Variants in ATAD3B observed in about 807,000 individuals in gnomAD.
ATAD3B encodes ATPase family AAA domain-containing protein 3B.
ATAD3B carries 59 observed loss-of-function variants against 70.2 expected under a neutral mutation model. The ratio of observed to expected loss-of-function variants is 0.84; its 90% CI spans 0.68 to 1.04. The LOEUF (loss-of-function observed/expected upper bound fraction) is 1.04. ATAD3B is among the 50% of genes least tolerant of loss of function. ATAD3B has a pLI of 0.00. For synonymous variants in ATAD3B, 423 were observed against 388.6 expected, an observed-to-expected ratio of 1.09 and a Z score of -1.04; for missense variants, 961 against 913.4, an observed-to-expected ratio of 1.05 and a Z score of -0.67.
chr1:1,501,781 C>T (rs776711553), downstream of ATAD3B, among the ~76,000 whole-genome samples: 12 of 152,276 alleles, frequency 7.9e-5, no homozygotes, highest in Non-Finnish European at 1.3e-4. Flanking sequence ...AGTGTCATCC[C>T]GTAATGCACT....
rs774697703 is a variant in ATAD3B at position 1,490,224 on chromosome 1, C to T, written c.1338-33C>T. Reference sequence around the variant, plus strand: ...CCCTCGGGGCATCTCAGCTGGCAGCCCCAGCGTTTCCTTCCCCATCCCTGT... The same window carrying T: ...CCCTCGGGGCATCTCAGCTGGCAGCTCCAGCGTTTCCTTCCCCATCCCTGT... On this transcript the variant is annotated intron_variant, in intron 13 of 15. Coordinates refer to ENST00000673477, the MANE Select transcript of ATAD3B (RefSeq NM_031921.6). 91 of 1,601,060 alleles carry T rather than the reference C, an allele frequency of 5.7e-5. 2 individuals carry two copies. The highest frequency in any genetic ancestry group is 7.3e-5 in the Non-Finnish European group (85 of 1,171,378).
Position 1,484,865 on chromosome 1 carries a change from G to C in ATAD3B, c.751-151G>C, listed in dbSNP as rs1008691781. ...CTGTAACCGCGTGGCTGTGGGATTC[G>C]GGGCTGGGAATTCGGGTTCCTGTGG... On this transcript the variant is annotated intron_variant, in intron 7 of 15. Transcript: ENST00000673477. 1.1e-5 allele frequency: 16 copies of C among 1,422,002 alleles called. No individual in the cohort carries two copies. The South Asian group carries it at 1.2e-4, about 11-fold the overall frequency. 88.1% of individuals were successfully genotyped at this position (1,422,002 alleles called of 1,614,324 possible).
chr1:1,498,031 C>T (rs1042877911), downstream of ATAD3B, among the ~76,000 whole-genome samples: 66 of 148,270 alleles, frequency 4.5e-4, no homozygotes, highest in Non-Finnish European at 7.5e-4. Flanking sequence ...ATCCAGGTGC[C>T]GTGGCTCACT....
At chr1:1,502,283 C>T (rs576094422), downstream of ATAD3B, among the ~76,000 whole-genome samples, 2 of 149,910 alleles carry the variant, frequency 1.3e-5, no homozygotes, top group African/African-American at 4.9e-5. Context: ...GGCATAACCT[C>T]GGCTCACTAC....
chr1:1,484,161 C>G (rs1340091378), intron 7 of ATAD3B: 1 of 151,838 alleles, frequency 6.6e-6, no homozygotes, highest in Non-Finnish European at 1.5e-5. Context: ...GAAATGGAGT[C>G]GGGTTCGCTT....
chr1:1,505,326 T>C, the ATAD3B span, among the ~76,000 whole-genome samples: 5 of 152,084 alleles, frequency 3.3e-5, no homozygotes, highest in African/African-American at 1.2e-4. Flanking sequence ...TTTTAGTACT[T>C]TCACTAATTT....
chr1:1,489,028 G>C (rs1640385173), intron 12 of ATAD3B, among the ~76,000 whole-genome samples, 176 bp from the exon 13 acceptor site: 1 of 151,870 alleles, frequency 6.6e-6, no homozygotes, highest in South Asian at 2.1e-4. Context: ...CTCCCAAAAT[G>C]CTGGGTTACA....
intron 6 of ATAD3B, 113 bp from the exon 7 acceptor site, chr1:1,482,432 C>G: frequency 6.3e-7 from 1 of 1,594,362 alleles, no homozygotes; most frequent in Non-Finnish European, 8.6e-7. Flanking sequence ...GGGCACTGCC[C>G]CTCTGTCCTG....
At chr1:1,477,446 G>T (rs1639651207) in intron 2 of ATAD3B, 96 bp downstream of exon 2, 1 of 1,572,956 alleles carries the variant, frequency 6.4e-7, no homozygotes, top group Admixed American at 1.8e-5. Flanking sequence ...GGCCAGGGGC[G>T]TGTACATGGG....
At chr1:1,500,267 T>C (rs957345393), downstream of ATAD3B, among the ~76,000 whole-genome samples, 1 of 145,026 alleles carries the variant, frequency 6.9e-6, no homozygotes, top group Non-Finnish European at 1.5e-5. Context: ...TAATTATCCT[T>C]TGTGGCCGGG....
chr1:1,502,340 T>G (rs547815182), downstream of ATAD3B, among the ~76,000 whole-genome samples: 8 of 143,460 alleles, frequency 5.6e-5, no homozygotes, highest in Middle Eastern at 4.0e-3. Flanking sequence ...TCAGCCTCCT[T>G]AGTAGCTGGG....
intron 2 of ATAD3B, 27 bp from the exon 3 acceptor site, chr1:1,478,617 C>T (rs1431101055): frequency 3.9e-6 from 6 of 1,549,038 alleles, no homozygotes; most frequent in African/African-American, 2.7e-5. Flanking sequence ...TGAGCAAGTG[C>T]CAGCTGGTGA....
chr1:1,481,818 A>G (rs1639917028), intron 5 of ATAD3B, among the ~76,000 whole-genome samples: 1 of 151,676 alleles, frequency 6.6e-6, no homozygotes, highest in African/African-American at 2.4e-5. Flanking sequence ...GTCCCTACCA[A>G]GGTCTGTGTG....
At chr1:1,508,913 G>T in the ATAD3B span, among the ~76,000 whole-genome samples, 6 of 151,828 alleles carry the variant, frequency 4.0e-5, no homozygotes, top group South Asian at 1.2e-3. Flanking sequence ...CCTGCCTCTC[G>T]GAAGCTGCCC....
At position 1,489,992 on chromosome 1, in the gene ATAD3B, C is replaced by A. The variant is rs1157607668; in HGVS notation, c.1338-265C>A. On this transcript the variant is annotated intron_variant, in intron 13 of 15. Transcript: ENST00000673477. The stretch of plus-strand genomic sequence containing the variant: ...GAGTGGTGTTCCCGGCACTGCCTAT[C>A]AGGCTGGGCGAGGGTCAGCGGGGAA... The A allele has an allele frequency of 1.4e-4, 183 of 1,321,390 alleles. 1 individual carries two copies. Among genetic ancestry groups the A allele is most frequent in the Non-Finnish European group, 1.6e-4 (169 of 1,027,466 alleles). 81.9% of individuals were successfully genotyped at this position (1,321,390 alleles called of 1,614,324 possible). A position where few individuals can be genotyped will look rare whatever the true frequency, so the allele number is the denominator to read the frequency against.
At chr1:1,506,315 T>A in the ATAD3B span, among the ~76,000 whole-genome samples, 30 of 152,312 alleles carry the variant, frequency 2.0e-4, no homozygotes, top group South Asian at 6.0e-3. Context: ...TAATGCTTTT[T>A]CTATTTTTGT....
At chr1:1,493,604 A>C (rs1640640157) in intron 15 of ATAD3B, among the ~76,000 whole-genome samples, 1 of 151,780 alleles carries the variant, frequency 6.6e-6, no homozygotes, top group Non-Finnish European at 1.5e-5. Context: ...GGTGTGAGCC[A>C]CTGCAACCGA....
intron 15 of ATAD3B, among the ~76,000 whole-genome samples, chr1:1,495,264 A>T (rs566779081): frequency 6.6e-6 from 1 of 152,014 alleles, no homozygotes; most frequent in African/African-American, 2.4e-5. Flanking sequence ...TCATTGAGCA[A>T]CAGCAGTGCT....
At chr1:1,505,151 A>C in the ATAD3B span, among the ~76,000 whole-genome samples, 7 of 152,128 alleles carry the variant, frequency 4.6e-5, no homozygotes, top group Non-Finnish European at 7.4e-5. Flanking sequence ...GATACAAGAC[A>C]AAGGGGCAGG....
Sources: gnomAD v4.1 joint callset for allele counts (sites outside exome capture counted in the v4.1 genomes callset) on GRCh38, gnomAD v4.1.1 for gene constraint, MANE v1.5 for transcripts, NCBI Gene and HGNC (gene_info 2026-07-23, HGNC 2026-07-21) for gene names.